Variants in SDK1 observed in about 807,000 individuals in gnomAD.
SDK1 encodes the protein sidekick cell adhesion molecule 1.
In SDK1, 157 loss-of-function variants were observed where a neutral mutation model predicts 245.5. The ratio of observed to expected loss-of-function variants is 0.64; its 90% CI spans 0.56 to 0.73. The LOEUF is 0.73. Ranked by LOEUF, SDK1 falls within the 30% of genes least tolerant of loss-of-function variation. The probability of loss-of-function intolerance (pLI) is 0.00; values close to 1 mark genes in which losing one functional copy is unlikely to be tolerated. For synonymous variants in SDK1, 1,647 were observed against 1,278.5 expected, an observed-to-expected ratio of 1.29 and a Z score of -6.15; for missense variants, 3,583 against 3,002.3, an observed-to-expected ratio of 1.19 and a Z score of -4.52.
intron 1 of SDK1, among the ~76,000 whole-genome samples, chr7:3,610,461 T>C (rs1201950633): frequency 2.6e-5 from 4 of 152,210 alleles, no homozygotes; most frequent in Non-Finnish European, 5.9e-5. Flanking sequence ...GAAATGACAG[T>C]TCAGTATACT....
chr7:3,623,037 GA>G (rs963206554), intron 2 of SDK1, among the ~76,000 whole-genome samples: 15 of 151,744 alleles, frequency 9.9e-5, no homozygotes, highest in Admixed American at 8.5e-4. Context: ...AGTTTCAAAT[GA>G]AAAAAACATG....
intron 5 of SDK1, among the ~76,000 whole-genome samples, chr7:3,827,141 G>C (rs1307534364): frequency 6.6e-6 from 1 of 151,780 alleles, no homozygotes; most frequent in East Asian, 1.9e-4. Context: ...GTTAAGCTAT[G>C]ATCATTTGCC....
At chr7:3,376,997 A>G (rs1027522765) in intron 1 of SDK1, among the ~76,000 whole-genome samples, 1 of 152,110 alleles carries the variant, frequency 6.6e-6, no homozygotes, top group African/African-American at 2.4e-5. Context: ...TTTAATTTTA[A>G]CTTCCTTGTT....
chr7:4,259,980 G>A (rs1287744204), intron 44 of SDK1, among the ~76,000 whole-genome samples: 3 of 152,240 alleles, frequency 2.0e-5, no homozygotes, highest in African/African-American at 7.2e-5. Flanking sequence ...GCCAGTTGCA[G>A]AGATCATGCC....
At chr7:3,972,520 C>G (rs571203446) in intron 12 of SDK1, among the ~76,000 whole-genome samples, 1 of 152,280 alleles carries the variant, frequency 6.6e-6, no homozygotes, top group African/African-American at 2.4e-5. Context: ...GAAGAGCAGC[C>G]ACCTTCAGGA....
chr7:4,227,026 C>T (rs1785488183), intron 40 of SDK1: 1 of 181,440 alleles, frequency 5.5e-6, no homozygotes, highest in African/African-American at 2.4e-5. Context: ...GGGACACCCC[C>T]CAGCCGGAGG....
chr7:4,108,425 T>A (rs531520930), intron 22 of SDK1, among the ~76,000 whole-genome samples: 10 of 150,846 alleles, frequency 6.6e-5, no homozygotes, highest in Non-Finnish European at 1.3e-4. Flanking sequence ...TGGCTCACTT[T>A]GGCTGAAGTG....
intron 4 of SDK1, among the ~76,000 whole-genome samples, chr7:3,806,422 G>A (rs1036863260): frequency 3.3e-5 from 5 of 152,204 alleles, no homozygotes; most frequent in African/African-American, 1.2e-4. Flanking sequence ...GGCCCACCAC[G>A]AGAAGGCTCA....
At chr7:3,618,659 T>G (rs1781842428) in intron 1 of SDK1, among the ~76,000 whole-genome samples, 1 of 152,248 alleles carries the variant, frequency 6.6e-6, no homozygotes, top group African/African-American at 2.4e-5. Context: ...TCAATCTTGC[T>G]TATCTTACTT....
At chr7:3,591,406 A>C (rs1029945637) in intron 1 of SDK1, among the ~76,000 whole-genome samples, 3 of 152,230 alleles carry the variant, frequency 2.0e-5, no homozygotes, top group Admixed American at 6.5e-5. Context: ...CTGGCCGCCT[A>C]GGGGAGACCT....
chr7:3,686,238 G>C (rs1298651686), intron 4 of SDK1, among the ~76,000 whole-genome samples: 1 of 152,142 alleles, frequency 6.6e-6, no homozygotes, highest in African/African-American at 2.4e-5. Context: ...ACCATTCCCA[G>C]CTTATTTTTG....
chr7:3,486,718 T>C (rs1015581100), intron 1 of SDK1, among the ~76,000 whole-genome samples: 25 of 152,184 alleles, frequency 1.6e-4, no homozygotes, highest in African/African-American at 6.0e-4. Context: ...AGTAGATTTT[T>C]AGCCACGTTT....
intron 1 of SDK1, among the ~76,000 whole-genome samples, chr7:3,373,162 C>T (rs1229906488): frequency 1.3e-5 from 2 of 152,154 alleles, no homozygotes; most frequent in East Asian, 1.9e-4. Context: ...ATACACCTAA[C>T]CTACTGAACA....
At chr7:4,083,373 G>C (rs183145530) in intron 22 of SDK1, among the ~76,000 whole-genome samples, 2 of 151,890 alleles carry the variant, frequency 1.3e-5, no homozygotes, top group African/African-American at 2.4e-5. Flanking sequence ...CAGTTGCCTC[G>C]TTGAGAAAAC....
At chr7:3,639,236 A>G (rs576501113) in intron 3 of SDK1, 126 bp downstream of exon 3, 67 of 504,180 alleles carry the variant, frequency 1.3e-4, no homozygotes, top group African/African-American at 1.3e-3. Flanking sequence ...GAGTAGAATA[A>G]TTGCAAAACT....
chr7:3,639,884 C>G (rs1226727177), intron 3 of SDK1, among the ~76,000 whole-genome samples: 1 of 151,972 alleles, frequency 6.6e-6, no homozygotes, highest in Non-Finnish European at 1.5e-5. Context: ...GGGTCTATCT[C>G]TGTCTCTCAG....
rs758851911 is a variant in SDK1, at chr7:4,220,137, G to C, written c.5568G>C (p.Val1856=). 2 of 1,614,110 alleles carry C rather than the reference G, an allele frequency of 1.2e-6. No individual in the cohort carries two copies. The highest frequency in any genetic ancestry group is 1.7e-6 in the Non-Finnish European group (2 of 1,180,016). The change falls in exon 39 of 45, where the codon GTG becomes GTC. Residue 1856 remains valine (V), a synonymous_variant. Coordinates refer to ENST00000404826, the MANE Select transcript of SDK1 (RefSeq NM_152744.4). ...TGAGCAAGGTGGTGACCGTGGAAGT[G>C]AGAGGGAACTGGCAGCGCTGGCTGA... is the stretch of plus-strand genomic sequence containing the variant. ...QGVSKVVTVE[V]RGNWQRWLKV...
intron 4 of SDK1, among the ~76,000 whole-genome samples, chr7:3,739,473 C>T (rs761291216): frequency 2.0e-5 from 3 of 151,944 alleles, no homozygotes; most frequent in Non-Finnish European, 2.9e-5. Context: ...GAGACTCTTC[C>T]TTTTATTTCT....
intron 1 of SDK1, among the ~76,000 whole-genome samples, chr7:3,453,540 G>C (rs1230807799): frequency 2.0e-5 from 3 of 152,180 alleles, no homozygotes; most frequent in Non-Finnish European, 4.4e-5. Flanking sequence ...AGAAAGGAGA[G>C]GAGGCACTGT....
Sources: gnomAD v4.1 joint callset for allele counts (sites outside exome capture counted in the v4.1 genomes callset) on GRCh38, gnomAD v4.1.1 for gene constraint, MANE v1.5 for transcripts, NCBI Gene and HGNC (gene_info 2026-07-23, HGNC 2026-07-21) for gene names.